Variants in PHLDB2 observed in about 807,000 individuals in gnomAD.
The protein encoded by PHLDB2 is pleckstrin homology-like domain family B member 2.
PHLDB2 carries 71 observed loss-of-function variants against 123.6 expected under a neutral mutation model. The ratio of observed to expected loss-of-function variants is 0.57; its 90% confidence interval spans 0.47 to 0.70. PHLDB2 has a LOEUF of 0.70. Ranked by LOEUF, PHLDB2 falls within the 30% of genes least tolerant of loss-of-function variation. The pLI is 0.00. For synonymous variants in PHLDB2, 547 were observed against 541.6 expected (o/e 1.01, Z -0.14); for missense variants, 1,446 against 1,519.5 (o/e 0.95, Z 0.80).
At chr3:111,920,004 C>G (rs563641741) in intron 4 of PHLDB2, among the ~76,000 whole-genome samples, 1 of 152,192 alleles carries the variant, frequency 6.6e-6, no homozygotes, top group South Asian at 2.1e-4. Flanking sequence ...AGCAAATAGG[C>G]AAAATATCCT....
At chr3:111,970,692 A>T (rs768948225) in intron 16 of PHLDB2, among the ~76,000 whole-genome samples, 1 of 152,136 alleles carries the variant, frequency 6.6e-6, no homozygotes, top group Non-Finnish European at 1.5e-5. Flanking sequence ...CATACGAAAC[A>T]TGTCTATTTT....
At chr3:111,839,263 T>C (rs951354915) in intron 1 of PHLDB2, among the ~76,000 whole-genome samples, 2 of 152,216 alleles carry the variant, frequency 1.3e-5, no homozygotes, top group Admixed American at 1.3e-4. Context: ...GATTGCATTC[T>C]ATAAAGAATA....
intron 1 of PHLDB2, among the ~76,000 whole-genome samples, chr3:111,831,014 AAAGAAAGAAAGAAAGAAAGGAAGG>A (rs1442915287): frequency 0.028 from 2,810 of 101,442 alleles, 378 homozygotes; most frequent in Middle Eastern, 0.037. Context: ...AGAAAGAAAG[AAAGAAAGAAAGAAAGAAAGGAAGG>A]AAGGAAGAAA....
intron 1 of PHLDB2, among the ~76,000 whole-genome samples, chr3:111,802,144 C>T (rs2061400930): frequency 6.6e-6 from 1 of 152,206 alleles, no homozygotes; most frequent in Non-Finnish European, 1.5e-5. Flanking sequence ...ACTTTGGCTC[C>T]TAGTTCAGGC....
At chr3:111,789,125 A>C (rs1383999133) in intron 1 of PHLDB2, among the ~76,000 whole-genome samples, 2 of 152,200 alleles carry the variant, frequency 1.3e-5, no homozygotes, top group Non-Finnish European at 2.9e-5. Flanking sequence ...ATTTTTATCA[A>C]GGCGATGGAA....
intron 1 of PHLDB2, among the ~76,000 whole-genome samples, chr3:111,832,713 A>T (rs1161327256): frequency 7.9e-5 from 6 of 75,668 alleles, no homozygotes; most frequent in Admixed American, 1.8e-4. Flanking sequence ...TTATACATAT[A>T]ATATATATAA....
intron 1 of PHLDB2, among the ~76,000 whole-genome samples, chr3:111,790,718 A>G (rs914899138): frequency 1.3e-5 from 2 of 152,222 alleles, no homozygotes; most frequent in African/African-American, 4.8e-5. Flanking sequence ...GACAATCATA[A>G]CAGAACAGCC....
intron 2 of PHLDB2, among the ~76,000 whole-genome samples, chr3:111,905,518 A>G (rs1227294460): frequency 6.6e-6 from 1 of 151,856 alleles, no homozygotes; most frequent in Non-Finnish European, 1.5e-5. Flanking sequence ...CACCTCACCC[A>G]GCTAATTTTT....
chr3:111,733,285 G>A (rs911892733), intron 1 of PHLDB2, among the ~76,000 whole-genome samples: 7 of 152,028 alleles, frequency 4.6e-5, no homozygotes, highest in African/African-American at 1.4e-4. Flanking sequence ...TTATCACATC[G>A]GCAGCCAGGT....
intron 1 of PHLDB2, among the ~76,000 whole-genome samples, chr3:111,839,125 C>T (rs1576834283): frequency 6.6e-6 from 1 of 152,224 alleles, no homozygotes; most frequent in Non-Finnish European, 1.5e-5. Context: ...ACCCCTGGTA[C>T]TGAGAGGGTG....
intron 1 of PHLDB2, among the ~76,000 whole-genome samples, chr3:111,790,724 C>T (rs2060884157): frequency 6.6e-6 from 1 of 152,166 alleles, no homozygotes; most frequent in South Asian, 2.1e-4. Context: ...CATAACAGAA[C>T]AGCCTCCAAC....
Position 111,885,288 on chromosome 3 carries a change from C to G in PHLDB2, c.1211C>G (p.Thr404Ser). ...DLESLRQASG[T>S]PQPALRERKS... is the part of the protein sequence containing the mutation. ...GAAAGCCTCAGACAGGCCTCAGGAA[C>G]CCCCCAGCCTGCCCTTCGGGAACGG... Residue 404 changes from threonine to serine, a missense_variant, in exon 2 of 18, where the codon ACC becomes AGC. Thr to Ser is a moderately conservative substitution (Grantham distance 58). This residue lies in a region of PHLDB2 where 832 missense variants were observed against 831.9 expected (regional missense o/e 1.00). Coordinates refer to ENST00000431670, the MANE Select transcript of PHLDB2 (RefSeq NM_001134438.2). 1.2e-6 allele frequency: 2 copies of G among 1,614,142 alleles called. No individual in the cohort carries two copies. Among genetic ancestry groups the G allele is most frequent in the South Asian group, 2.2e-5 (2 of 91,070 alleles).
chr3:111,950,685 G>A (rs559810403), intron 10 of PHLDB2, among the ~76,000 whole-genome samples: 1 of 152,252 alleles, frequency 6.6e-6, no homozygotes, highest in African/African-American at 2.4e-5. Flanking sequence ...ATCCTAAGGA[G>A]TCATTGCACT....
intron 5 of PHLDB2, among the ~76,000 whole-genome samples, chr3:111,928,754 T>C (rs1484636607): frequency 6.6e-6 from 1 of 152,188 alleles, no homozygotes; most frequent in Non-Finnish European, 1.5e-5. Context: ...ATATACAAAA[T>C]AGGTCAAAAC....
intron 2 of PHLDB2, among the ~76,000 whole-genome samples, chr3:111,912,244 T>G (rs2067927729): frequency 6.6e-6 from 1 of 152,198 alleles, no homozygotes; most frequent in Middle Eastern, 3.2e-3. Context: ...TTTTGTAAAT[T>G]ATATCCTGTT....
chr3:111,909,377 C>T (rs1173356373), intron 2 of PHLDB2, among the ~76,000 whole-genome samples: 1 of 151,924 alleles, frequency 6.6e-6, no homozygotes. Context: ...AGGAAGATTG[C>T]TTGAGTCCAG....
At chr3:111,835,326 C>A (rs2063348072) in intron 1 of PHLDB2, among the ~76,000 whole-genome samples, 1 of 152,122 alleles carries the variant, frequency 6.6e-6, no homozygotes, top group Non-Finnish European at 1.5e-5. Context: ...TATTTCAACT[C>A]AATTTAGCAA....
At chr3:111,770,956 T>TTGATTAGGG (rs2060166374) in intron 1 of PHLDB2, among the ~76,000 whole-genome samples, 1 of 151,704 alleles carries the variant, frequency 6.6e-6, no homozygotes, top group Admixed American at 6.6e-5. Context: ...ATGAGGCAGC[T>TTGATTAGGG]TGAGGAGAGA....
chr3:111,827,525 A>G (rs922706009), intron 1 of PHLDB2, among the ~76,000 whole-genome samples: 3 of 152,112 alleles, frequency 2.0e-5, no homozygotes, highest in South Asian at 2.1e-4. Flanking sequence ...AATACAAAAA[A>G]TTAGCCGGGT....
Sources: allele counts gnomAD v4.1 joint callset (sites outside exome capture counted in the v4.1 genomes callset), GRCh38; gene constraint gnomAD v4.1.1; regional missense constraint gnomAD v4.1.1; transcripts MANE v1.5; gene names NCBI Gene and HGNC (gene_info 2026-07-23, HGNC 2026-07-21).